CAMTA1: variants seen among roughly 807,000 people sequenced by gnomAD.
The protein encoded by CAMTA1 is calmodulin binding transcription activator 1.
A neutral mutation model predicts 170.9 loss-of-function variants in CAMTA1; 27 were observed. The observed-to-expected ratio is 0.16, with a 90% confidence interval of 0.12 to 0.22. The LOEUF (loss-of-function observed/expected upper bound fraction) is 0.22, where lower values mean the gene tolerates loss of function less well. Among genes scored for constraint, CAMTA1 ranks in the 10% least tolerant of loss-of-function variants. CAMTA1 has a pLI of 1.00. For missense variants in CAMTA1, 1,619 were observed against 2,217.2 expected, an observed-to-expected ratio of 0.73 and a Z score of 5.42; for synonymous variants, 833 against 891.5, an observed-to-expected ratio of 0.93 and a Z score of 1.17.
intron 3 of CAMTA1, among the ~76,000 whole-genome samples, chr1:6,926,490 C>CTTTCTTTCTTTCTTTCTT (rs1557838416): frequency 1.1e-5 from 1 of 88,616 alleles, no homozygotes; most frequent in Non-Finnish European, 2.3e-5. Context: ...CTTTCTTTCT[C>CTTTCTTTCTTTCTTTCTT]TCTCTCTTTT....
At chr1:6,964,686 T>A (rs1162162338) in intron 3 of CAMTA1, among the ~76,000 whole-genome samples, 1 of 152,248 alleles carries the variant, frequency 6.6e-6, no homozygotes, top group African/African-American at 2.4e-5. Flanking sequence ...TACACTTTTA[T>A]AAGAAATCCC....
intron 5 of CAMTA1, among the ~76,000 whole-genome samples, chr1:7,436,174 G>C (rs1198744030): frequency 6.6e-6 from 1 of 152,244 alleles, no homozygotes; most frequent in Admixed American, 6.5e-5. Flanking sequence ...AGCTCTCCAA[G>C]CAGTCTGGGA....
In CAMTA1 at chr1:7,234,073, G is replaced by A. The variant is rs954267800; in HGVS notation, c.303-15418G>A. 2.0e-5 allele frequency among the ~76,000 whole-genome samples: 3 copies of A among 152,200 alleles called. No homozygotes were observed. The highest frequency in any genetic ancestry group is 4.4e-5 in the Non-Finnish European group (3 of 68,016). On this transcript the variant is annotated intron_variant, in intron 4 of 22. Coordinates refer to ENST00000303635, the MANE Select transcript of CAMTA1 (RefSeq NM_015215.4). The surrounding 1 kb of genome is among the most constrained non-coding windows in gnomAD (Gnocchi z 5.0). Reference sequence around the variant, plus strand: ...TTTTCCTTCATCGCTGTTAATACACGTGTACCCTTGGTTAATTCGTGTCTC... The same window carrying A: ...TTTTCCTTCATCGCTGTTAATACACATGTACCCTTGGTTAATTCGTGTCTC...
chr1:7,739,579 A>G (rs186843500), intron 16 of CAMTA1, among the ~76,000 whole-genome samples: 6 of 152,296 alleles, frequency 3.9e-5, no homozygotes, highest in African/African-American at 1.2e-4. Context: ...GTGGTTGGGG[A>G]GGCCTCACAA....
At position 7,098,944 on chromosome 1, in the gene CAMTA1, C is replaced by T. The variant is rs547487404; in HGVS notation, c.302+7573C>T. Among the ~76,000 whole-genome samples, 6 of 152,280 alleles carry T rather than the reference C, an allele frequency of 3.9e-5. No homozygotes were observed. The East Asian group carries it at 5.8e-4, about 15-fold the overall frequency. On this transcript the variant is annotated intron_variant, in intron 4 of 22. Transcript: ENST00000303635. ...TCTTGGGGCCAGGAGTGCAAGTTCC[C>T]GGTGTCCTGGAGGAGCCAAGAGGGA...
At chr1:7,743,521 A>G (rs1456025701) in intron 16 of CAMTA1, among the ~76,000 whole-genome samples, 2 of 152,042 alleles carry the variant, frequency 1.3e-5, no homozygotes, top group South Asian at 2.1e-4. Flanking sequence ...ATCTGATTCT[A>G]TCCCCAGAGG....
At position 7,041,228 on chromosome 1, in the gene CAMTA1, T is replaced by C. The variant is rs1704408458; in HGVS notation, c.235-50076T>C. Among the ~76,000 whole-genome samples the C allele has an allele frequency of 6.6e-6, 1 of 152,236 alleles. No individual in the cohort carries two copies. Among genetic ancestry groups the C allele is most frequent in the Admixed American group, 6.5e-5 (1 of 15,290 alleles). On this transcript the variant is annotated intron_variant, in intron 3 of 22. Coordinates refer to ENST00000303635, the MANE Select transcript of CAMTA1 (RefSeq NM_015215.4). This position sits in a 1 kb window ranked among gnomAD's most constrained non-coding sequence, Gnocchi z 5.1. ...CCCACACGGCCCCGGAGCTGGAGCTTCTACCGAAGGGTTGCCCTCTGTCCC... is the reference window on the plus strand; with the variant it reads ...CCCACACGGCCCCGGAGCTGGAGCTCCTACCGAAGGGTTGCCCTCTGTCCC...
At chr1:7,071,377 A>G (rs1344687165) in intron 3 of CAMTA1, among the ~76,000 whole-genome samples, 1 of 152,250 alleles carries the variant, frequency 6.6e-6, no homozygotes, top group Non-Finnish European at 1.5e-5. Flanking sequence ...AGATGTATGG[A>G]GTAAATCATT....
At chr1:6,963,855 G>C (rs1691012175) in intron 3 of CAMTA1, among the ~76,000 whole-genome samples, 1 of 152,250 alleles carries the variant, frequency 6.6e-6, no homozygotes, top group Non-Finnish European at 1.5e-5. Flanking sequence ...GAAAGGGCCA[G>C]GGCCCTTGTT....
chr1:7,186,894 T>C, intron 4 of CAMTA1, among the ~76,000 whole-genome samples: 1 of 152,230 alleles, frequency 6.6e-6, no homozygotes, highest in Middle Eastern at 3.4e-3. Context: ...TTCAGGAGTC[T>C]TCCCGGCGGG....
chr1:7,142,029 C>T (rs547843018), intron 4 of CAMTA1: 125 of 504,528 alleles, frequency 2.5e-4, no homozygotes, highest in African/African-American at 2.0e-3. Flanking sequence ...TCCCACCTCA[C>T]GCTAGCTTCC....
At chr1:6,891,490 C>A (rs1033778743) in intron 3 of CAMTA1, among the ~76,000 whole-genome samples, 2 of 152,220 alleles carry the variant, frequency 1.3e-5, no homozygotes, top group African/African-American at 4.8e-5. Flanking sequence ...CTTCTGTGAT[C>A]TTCCGGGATC....
chr1:7,597,482 C>A (rs902983622), intron 6 of CAMTA1, among the ~76,000 whole-genome samples: 1 of 152,132 alleles, frequency 6.6e-6, no homozygotes, highest in Non-Finnish European at 1.5e-5. Flanking sequence ...CTGAGTATTC[C>A]ATAGGGTTGC....
At chr1:7,652,965 T>C (rs2095857508) in intron 7 of CAMTA1, among the ~76,000 whole-genome samples, 1 of 152,162 alleles carries the variant, frequency 6.6e-6, no homozygotes, top group South Asian at 2.1e-4. Flanking sequence ...AATGGGATAA[T>C]ATATTCTGCC....
intron 3 of CAMTA1, among the ~76,000 whole-genome samples, chr1:6,969,394 G>C (rs1572111916): frequency 6.6e-6 from 1 of 152,220 alleles, no homozygotes; most frequent in South Asian, 2.1e-4. Context: ...TGAGCGGCTA[G>C]GTTGGGTGAG....
In CAMTA1 at chr1:7,547,397, G is replaced by A. The variant is rs1255788768; in HGVS notation, c.510+79496G>A. Among the ~76,000 whole-genome samples the A allele has an allele frequency of 6.7e-6, 1 of 149,410 alleles. No individual in the cohort carries two copies. The highest frequency in any genetic ancestry group is 1.5e-5 in the Non-Finnish European group (1 of 67,646). On this transcript the variant is annotated intron_variant, in intron 6 of 22. Coordinates refer to ENST00000303635, the MANE Select transcript of CAMTA1 (RefSeq NM_015215.4). The surrounding 1 kb of genome is among the most constrained non-coding windows in gnomAD (Gnocchi z 5.7). Reference sequence around the variant, plus strand: ...ACACACACACACACACACAGAGTTGGCCTTCCACATTCATGAGTTTCGCAT... The same window carrying A: ...ACACACACACACACACACAGAGTTGACCTTCCACATTCATGAGTTTCGCAT...
chr1:7,461,338 C>T (rs1472245915), intron 5 of CAMTA1, among the ~76,000 whole-genome samples: 3 of 152,222 alleles, frequency 2.0e-5, no homozygotes. Flanking sequence ...TGCCAAACAT[C>T]TCTGAACTGG....
In CAMTA1 at chr1:7,677,461, G is replaced by A. The variant is rs1357326792; in HGVS notation, c.2780-138G>A. ...ATTGTGTTTGGGCCTCGAATGAGCA[G>A]GCATAGGCTACCATTAAGGAGAGCT... On this transcript the variant is annotated intron_variant, in intron 10 of 22. Transcript: ENST00000303635. 8.9e-6 allele frequency: 9 copies of A among 1,007,092 alleles called. No homozygotes were observed. In the Admixed American group the frequency reaches 1.2e-4, roughly 13 times the overall value. 62.4% of individuals were successfully genotyped at this position (1,007,092 alleles called of 1,614,324 possible). A position where few individuals can be genotyped will look rare whatever the true frequency, so the allele number is the denominator to read the frequency against.
At chr1:7,471,702 T>C (rs1229400671) in intron 6 of CAMTA1, among the ~76,000 whole-genome samples, 1 of 152,248 alleles carries the variant, frequency 6.6e-6, no homozygotes, top group Non-Finnish European at 1.5e-5. Context: ...TGGGTGTCAC[T>C]GCAGCCGCAG....
Sources: gnomAD v4.1 joint callset for allele counts (sites outside exome capture counted in the v4.1 genomes callset) on GRCh38, gnomAD v4.1.1 for gene constraint, Gnocchi (gnomAD v3.1) non-coding constraint, MANE v1.5 for transcripts, NCBI Gene and HGNC (gene_info 2026-07-23, HGNC 2026-07-21) for gene names.